Variants in LGSN observed in about 807,000 individuals in gnomAD.
LGSN encodes the protein lengsin, lens protein with glutamine synthetase domain, also known as lengsin.
A neutral mutation model predicts 19.5 loss-of-function variants in LGSN; 21 were observed. The ratio of observed to expected loss-of-function variants is 1.07; its 90% confidence interval spans 0.76 to 1.55. The LOEUF (loss-of-function observed/expected upper bound fraction) is 1.55. Among genes scored for constraint, LGSN ranks in the 40% most tolerant of loss-of-function variants. The pLI is 0.00. For synonymous variants in LGSN, 257 were observed against 215.6 expected (o/e 1.19, Z -1.68); for missense variants, 673 against 608.5 (o/e 1.11, Z -1.12).
chr6:63,321,086 T>G (rs986917850), upstream of LGSN, among the ~76,000 whole-genome samples: 3 of 152,130 alleles, frequency 2.0e-5, no homozygotes, highest in African/African-American at 7.2e-5. Flanking sequence ...CTCTTGAACC[T>G]CCCCAAGAAA....
At chr6:63,561,931 C>T in the LGSN span, among the ~76,000 whole-genome samples, 2 of 152,078 alleles carry the variant, frequency 1.3e-5, no homozygotes, top group Non-Finnish European at 2.9e-5. Context: ...AGGCTACAGA[C>T]CTATCGGTGC....
intron 2 of LGSN, among the ~76,000 whole-genome samples, chr6:63,286,244 C>T (rs1198643623): frequency 1.3e-5 from 2 of 151,986 alleles, no homozygotes; most frequent in Non-Finnish European, 2.9e-5. Context: ...GAGTTTTTTG[C>T]CCAAAGGGCT....
chr6:63,454,789 T>C, the LGSN span, among the ~76,000 whole-genome samples: 1 of 91,400 alleles, frequency 1.1e-5, no homozygotes, highest in African/African-American at 5.6e-5. Context: ...CTTTTTTTCT[T>C]TTTCTTTTTT....
At chr6:63,392,881 CTTTTTTTT>C in the LGSN span, among the ~76,000 whole-genome samples, 2 of 109,942 alleles carry the variant, frequency 1.8e-5, no homozygotes, top group African/African-American at 7.9e-5. Flanking sequence ...TCTTCTTCTT[CTTTTTTTT>C]TTTTTTTTTT....
chr6:63,522,830 C>T, the LGSN span, among the ~76,000 whole-genome samples: 2 of 149,292 alleles, frequency 1.3e-5, no homozygotes, highest in Non-Finnish European at 3.0e-5. Context: ...ACTTTGAGGT[C>T]GTGAAATGAT....
intron 1 of LGSN, 27 bp from the exon 2 acceptor site, chr6:63,295,072 C>T: frequency 6.2e-7 from 1 of 1,600,640 alleles, no homozygotes; most frequent in Non-Finnish European, 8.6e-7. Flanking sequence ...AACAAAAAGC[C>T]AAATAACAGA....
rs1231450750 is a variant in LGSN, at chr6:63,276,081, T to C, written c.*3940A>G. Reference sequence around the variant, plus strand: ...GGGAAGGCACTGTGCACATAGGTAATGTTTAAAGACACAAATTCTTACCCC... The same window carrying C: ...GGGAAGGCACTGTGCACATAGGTAACGTTTAAAGACACAAATTCTTACCCC... On this transcript the variant is annotated 3_prime_UTR_variant, in exon 4 of 4. Transcript: ENST00000370657. 1.3e-5 allele frequency: 2 copies of C among 152,220 alleles called. No individual in the cohort carries two copies. The highest frequency in any genetic ancestry group is 2.9e-5 in the Non-Finnish European group (2 of 68,034). 9.4% of individuals were successfully genotyped at this position (152,220 alleles called of 1,614,324 possible). A position where few individuals can be genotyped will look rare whatever the true frequency, so the allele number is the denominator to read the frequency against.
the LGSN span, among the ~76,000 whole-genome samples, chr6:63,420,150 C>T: frequency 6.6e-6 from 1 of 151,490 alleles, no homozygotes; most frequent in Non-Finnish European, 1.5e-5. Context: ...TTGCAGTGAG[C>T]CGAGATCGCA....
chr6:63,524,852 C>G, the LGSN span, among the ~76,000 whole-genome samples: 1 of 152,012 alleles, frequency 6.6e-6, no homozygotes, highest in Non-Finnish European at 1.5e-5. Flanking sequence ...TATGTGAATG[C>G]GAGATGTGGC....
At chr6:63,434,623 AAG>A in the LGSN span, among the ~76,000 whole-genome samples, 1 of 150,408 alleles carries the variant, frequency 6.6e-6, no homozygotes, top group African/African-American at 2.4e-5. Context: ...AAAAAAAAAA[AAG>A]AAAGAAAGAA....
At chr6:63,390,515 T>A in the LGSN span, among the ~76,000 whole-genome samples, 1 of 152,028 alleles carries the variant, frequency 6.6e-6, no homozygotes, top group Non-Finnish European at 1.5e-5. Flanking sequence ...GATTTTTTTT[T>A]ATCAACAGGG....
chr6:63,572,336 GCGGCCGC>G, the LGSN span: 1 of 265,680 alleles, frequency 3.8e-6, no homozygotes, highest in African/African-American at 2.2e-5. Context: ...CACACCGGCG[GCGGCCGC>G]CGCGGAGTGA....
chr6:63,357,544 T>A, the LGSN span, among the ~76,000 whole-genome samples: 1 of 152,344 alleles, frequency 6.6e-6, no homozygotes, highest in Middle Eastern at 3.4e-3. Context: ...TGAGATGGTA[T>A]CTCATTGTGG....
the LGSN span, among the ~76,000 whole-genome samples, chr6:63,376,147 C>T: frequency 2.6e-5 from 4 of 152,180 alleles, no homozygotes; most frequent in Non-Finnish European, 4.4e-5. Context: ...CCATGTTCCC[C>T]CGATGCTTGC....
the LGSN span, among the ~76,000 whole-genome samples, chr6:63,489,941 A>C: frequency 0.54 from 81,518 of 151,900 alleles, 23,696 homozygotes; most frequent in African/African-American, 0.77. Context: ...AACTCCTGAC[A>C]TCAGGTGATT....
At chr6:63,297,576 A>T (rs944214649) in intron 1 of LGSN, among the ~76,000 whole-genome samples, 1 of 152,146 alleles carries the variant, frequency 6.6e-6, no homozygotes, top group African/African-American at 2.4e-5. Context: ...CCTCCATTCG[A>T]GTATTTTTAT....
the LGSN span, among the ~76,000 whole-genome samples, chr6:63,477,824 A>C: frequency 6.7e-6 from 1 of 148,508 alleles, no homozygotes; most frequent in Non-Finnish European, 1.5e-5. Context: ...TACAGGTATG[A>C]GTCATCACAC....
the LGSN span, among the ~76,000 whole-genome samples, chr6:63,412,574 G>GAAA: frequency 7.8e-3 from 830 of 106,084 alleles, 14 homozygotes; most frequent in African/African-American, 0.021. Flanking sequence ...AAGAAAGGAA[G>GAAA]GAAGGAAAGA....
the LGSN span, among the ~76,000 whole-genome samples, chr6:63,432,089 G>GAAAGAAAGAAAGA: frequency 1.1e-4 from 1 of 8,910 alleles, no homozygotes; most frequent in Non-Finnish European, 2.1e-4. Flanking sequence ...GAAAAAGAAG[G>GAAAGAAAGAAAGA]AAAGAAAGAA....
Sources: allele counts gnomAD v4.1 joint callset (sites outside exome capture counted in the v4.1 genomes callset), GRCh38; gene constraint gnomAD v4.1.1; transcripts MANE v1.5; gene names NCBI Gene and HGNC (gene_info 2026-07-23, HGNC 2026-07-21).